FMN2: variants seen among roughly 807,000 people sequenced by gnomAD.
FMN2 encodes formin 2.
In FMN2, 51 loss-of-function variants were observed where a neutral mutation model predicts 142.3. The ratio of observed to expected loss-of-function variants is 0.36; its 90% confidence interval spans 0.29 to 0.45. FMN2 has a LOEUF of 0.45. FMN2 is among the 20% of genes least tolerant of loss of function. The pLI is 1.00. For synonymous variants in FMN2, 882 were observed against 869.8 expected (o/e 1.01, Z -0.25); for missense variants, 1,936 against 2,122.8 (o/e 0.91, Z 1.73).
At position 240,092,493 on chromosome 1, in the gene FMN2, C is replaced by G; in HGVS notation, c.384C>G (p.Ala128=). The G allele has an allele frequency of 6.2e-7, 1 of 1,606,980 alleles. No homozygotes were observed. Among genetic ancestry groups the G allele is most frequent in the Non-Finnish European group, 8.5e-7 (1 of 1,176,830 alleles). The stretch of plus-strand genomic sequence containing the variant: ...ACCTCAGCCTCTCGGCGGACGAGGC[C>G]GGCCTGTCGGATACCGAGTGTGCGG... ...TPDLSLSADE[A]GLSDTECADP... is the part of the protein sequence containing the mutation. The change falls in exon 1 of 18, where the codon GCC becomes GCG. Residue 128 remains alanine (A), a synonymous_variant. Transcript: ENST00000319653.
intron 10 of FMN2, among the ~76,000 whole-genome samples, chr1:240,330,181 C>T (rs979936513): frequency 4.6e-5 from 7 of 152,154 alleles, no homozygotes; most frequent in African/African-American, 1.2e-4. Flanking sequence ...GTTTCCTCTG[C>T]TGATGCCAAA....
chr1:240,124,198 G>A (rs1457984660), intron 2 of FMN2, among the ~76,000 whole-genome samples: 1 of 152,164 alleles, frequency 6.6e-6, no homozygotes, highest in Non-Finnish European at 1.5e-5. Context: ...TGTAATCAGC[G>A]ATGATTCTAA....
chr1:240,297,236 T>A (rs1027552687), intron 8 of FMN2, among the ~76,000 whole-genome samples: 4 of 152,214 alleles, frequency 2.6e-5, no homozygotes, highest in Non-Finnish European at 4.4e-5. Context: ...ACACTTGATG[T>A]ATTTATGTGT....
intron 1 of FMN2, among the ~76,000 whole-genome samples, chr1:240,105,145 G>GTCGCC (rs1356777622): frequency 1.8e-5 from 2 of 111,904 alleles, no homozygotes; most frequent in African/African-American, 7.1e-5. Context: ...GTCTCACTCT[G>GTCGCC]TCGCCCAGGC....
rs558081299 is a variant in FMN2, at chr1:240,443,684, C to T, written c.5060+5474C>T. On this transcript the variant is annotated intron_variant, in intron 16 of 17. Transcript: ENST00000319653. ...AGAAGAATTGCTTGAACCTGGGAGGCGTAGGGTGCAGTGAGCTGAGATCAC... is the reference window on the plus strand; with the variant it reads ...AGAAGAATTGCTTGAACCTGGGAGGTGTAGGGTGCAGTGAGCTGAGATCAC... Among the ~76,000 whole-genome samples, 11 of 152,122 alleles carry T rather than the reference C, an allele frequency of 7.2e-5. No homozygotes were observed. The South Asian group carries it at 2.1e-3, about 29-fold the overall frequency.
At chr1:240,337,210 T>C (rs536243471) in intron 13 of FMN2, among the ~76,000 whole-genome samples, 22 of 142,042 alleles carry the variant, frequency 1.5e-4, no homozygotes, top group African/African-American at 2.3e-4. Flanking sequence ...TTTCTTTTTT[T>C]TTTTTTTTTT....
At chr1:240,354,988 C>T in intron 13 of FMN2, among the ~76,000 whole-genome samples, 1 of 152,048 alleles carries the variant, frequency 6.6e-6, no homozygotes, top group East Asian at 1.9e-4. Flanking sequence ...GACATTTCTT[C>T]AGAATCTTCT....
At chr1:240,157,744 A>G (rs1045488690) in intron 2 of FMN2, among the ~76,000 whole-genome samples, 2 of 152,140 alleles carry the variant, frequency 1.3e-5, no homozygotes, top group Admixed American at 1.3e-4. Context: ...ACAGAGGGAA[A>G]ATTGAGGTTC....
chr1:240,307,886 T>A (rs1670468786), intron 8 of FMN2, among the ~76,000 whole-genome samples: 1 of 152,226 alleles, frequency 6.6e-6, no homozygotes, highest in South Asian at 2.1e-4. Context: ...CTTTTCCATT[T>A]GTTTGTGTCG....
At chr1:240,169,098 C>T (rs1272505870) in intron 2 of FMN2, among the ~76,000 whole-genome samples, 1 of 152,192 alleles carries the variant, frequency 6.6e-6, no homozygotes, top group East Asian at 1.9e-4. Context: ...GTAGTCCCAG[C>T]TAATCTGGAG....
At chr1:240,120,401 C>T (rs57146905) in intron 1 of FMN2, among the ~76,000 whole-genome samples, 15,278 of 152,166 alleles carry the variant, frequency 0.1, 883 homozygotes, top group African/African-American at 0.14. Context: ...AAGATACTTA[C>T]TATTTGGCCC....
At chr1:240,347,715 C>T (rs1391840298) in intron 13 of FMN2, among the ~76,000 whole-genome samples, 1 of 152,108 alleles carries the variant, frequency 6.6e-6, no homozygotes, top group Non-Finnish European at 1.5e-5. Flanking sequence ...CTAATAGACC[C>T]CAGCGTTGAT....
intron 13 of FMN2, among the ~76,000 whole-genome samples, chr1:240,345,897 T>C (rs1671894401): frequency 6.6e-6 from 1 of 152,142 alleles, no homozygotes; most frequent in East Asian, 1.9e-4. Flanking sequence ...TTCATATTGA[T>C]AGCAACAGCA....
chr1:240,103,830 G>C (rs1206090120), intron 1 of FMN2, among the ~76,000 whole-genome samples: 1 of 152,050 alleles, frequency 6.6e-6, no homozygotes, highest in Non-Finnish European at 1.5e-5. Flanking sequence ...TGAGGCTATT[G>C]AGTTTAAATT....
Position 240,220,026 on chromosome 1 carries a change from T to C in FMN2, c.4065+8791T>C, listed in dbSNP as rs139534319. The stretch of plus-strand genomic sequence containing the variant: ...TAATTTATGAATCTTTAAAATTACT[T>C]TGGGACCTGAAACTGTCTGAAGTAT... On this transcript the variant is annotated intron_variant, in intron 6 of 17. Coordinates refer to ENST00000319653, the MANE Select transcript of FMN2 (RefSeq NM_020066.5). 1.9e-3 allele frequency among the ~76,000 whole-genome samples: 292 copies of C among 152,320 alleles called. 2 individuals are homozygous for C. The highest frequency in any genetic ancestry group is 6.5e-3 in the African/African-American group (270 of 41,574).
intron 3 of FMN2, among the ~76,000 whole-genome samples, chr1:240,184,737 G>C (rs1325788090): frequency 6.6e-6 from 1 of 151,860 alleles, no homozygotes; most frequent in Admixed American, 6.6e-5. Flanking sequence ...CTGGGAGGAG[G>C]AGAGTGTTGG....
intron 2 of FMN2, among the ~76,000 whole-genome samples, chr1:240,163,469 T>C (rs1572006372): frequency 6.6e-6 from 1 of 152,354 alleles, no homozygotes; most frequent in African/African-American, 2.4e-5. Context: ...TTGTTTCTTA[T>C]GATGCTTTTT....
chr1:240,396,443 CT>C (rs113540216), intron 15 of FMN2, among the ~76,000 whole-genome samples: 12,238 of 144,320 alleles, frequency 0.085, 547 homozygotes, highest in East Asian at 0.16. Context: ...ATGTTGCAAT[CT>C]TTTTTTTTTT....
intron 14 of FMN2, among the ~76,000 whole-genome samples, chr1:240,362,505 CTCCT>C (rs1478963170): frequency 1.3e-5 from 2 of 152,102 alleles, no homozygotes; most frequent in African/African-American, 4.8e-5. Context: ...ACTCAGTACA[CTCCT>C]TCCTTTTTTC....
Sources: allele counts gnomAD v4.1 joint callset (sites outside exome capture counted in the v4.1 genomes callset), GRCh38; gene constraint gnomAD v4.1.1; transcripts MANE v1.5; gene names NCBI Gene and HGNC (gene_info 2026-07-23, HGNC 2026-07-21).